Variants in SDCCAG8 observed in about 807,000 individuals in gnomAD.
SDCCAG8 encodes the protein SHH signaling and ciliogenesis regulator SDCCAG8.
A neutral mutation model predicts 101.8 loss-of-function variants in SDCCAG8; 74 were observed. The observed-to-expected ratio is 0.73, with a 90% CI of 0.60 to 0.88. SDCCAG8 has a LOEUF of 0.88. Ranked by LOEUF, SDCCAG8 falls within the 40% of genes least tolerant of loss-of-function variation. The pLI is 0.00. For synonymous variants in SDCCAG8, 281 were observed against 292.9 expected, an observed-to-expected ratio of 0.96 and a Z score of 0.41; for missense variants, 787 against 822.6, an observed-to-expected ratio of 0.96 and a Z score of 0.53.
intron 1 of SDCCAG8, among the ~76,000 whole-genome samples, chr1:243,263,188 C>T (rs573057947): frequency 5.9e-5 from 9 of 152,154 alleles, no homozygotes; most frequent in East Asian, 1.9e-4. Context: ...TTATTGATCT[C>T]GTTTTATTGA....
chr1:243,383,343 A>C (rs764907429), intron 13 of SDCCAG8, among the ~76,000 whole-genome samples: 3 of 152,210 alleles, frequency 2.0e-5, no homozygotes, highest in Non-Finnish European at 4.4e-5. Flanking sequence ...AACTTTTGAC[A>C]AATTACTTAA....
chr1:243,431,101 G>A (rs2081732557), intron 16 of SDCCAG8, among the ~76,000 whole-genome samples: 1 of 152,144 alleles, frequency 6.6e-6, no homozygotes, highest in African/African-American at 2.4e-5. Flanking sequence ...GGAGGGTGAG[G>A]CAGGAGAATC....
At chr1:243,387,541 C>G (rs2078386000) in intron 13 of SDCCAG8, among the ~76,000 whole-genome samples, 1 of 152,080 alleles carries the variant, frequency 6.6e-6, no homozygotes, top group African/African-American at 2.4e-5. Context: ...TGACCTGTGA[C>G]CTAGAGAGAC....
At chr1:243,331,733 C>T (rs1350736115) in intron 10 of SDCCAG8, among the ~76,000 whole-genome samples, 2 of 152,166 alleles carry the variant, frequency 1.3e-5, no homozygotes, top group African/African-American at 2.4e-5. Context: ...TCGGTGTCCA[C>T]GGTCCTTTCA....
At chr1:243,398,413 G>T (rs2079156634) in intron 13 of SDCCAG8, among the ~76,000 whole-genome samples, 1 of 151,864 alleles carries the variant, frequency 6.6e-6, no homozygotes. Context: ...ATATTTTGAA[G>T]GAAAAATGGT....
rs116060001 is a variant in SDCCAG8, at chr1:243,346,721, A to G, written c.1473+2390A>G. 7.3e-3 allele frequency among the ~76,000 whole-genome samples: 1,117 copies of G among 152,284 alleles called. 8 individuals are homozygous for G. Among genetic ancestry groups the G allele is most frequent in the African/African-American group, 0.023 (954 of 41,550 alleles). ...CGATGGGCGGATTATCCTTCCCATCAACTCCTTTGTATCTCTTCAGCTTAG... is the reference window on the plus strand; with the variant it reads ...CGATGGGCGGATTATCCTTCCCATCGACTCCTTTGTATCTCTTCAGCTTAG... On this transcript the variant is annotated intron_variant, in intron 12 of 17. Coordinates refer to ENST00000366541, the MANE Select transcript of SDCCAG8 (RefSeq NM_006642.5).
chr1:243,404,219 A>G (rs1406135085), intron 13 of SDCCAG8, among the ~76,000 whole-genome samples: 1 of 152,206 alleles, frequency 6.6e-6, no homozygotes, highest in Non-Finnish European at 1.5e-5. Context: ...CAGTTTGGAT[A>G]TAGTCAGGGC....
intron 12 of SDCCAG8, among the ~76,000 whole-genome samples, chr1:243,359,246 C>T (rs369391481): frequency 3.9e-5 from 6 of 152,162 alleles, no homozygotes; most frequent in Non-Finnish European, 7.4e-5. Flanking sequence ...AAATTGATTT[C>T]ATTGCTAATA....
At position 243,378,701 on chromosome 1, in the gene SDCCAG8, T is replaced by C. The variant is rs185598556; in HGVS notation, c.1474-20T>C. 58 of 1,613,368 alleles carry C rather than the reference T, an allele frequency of 3.6e-5. No individual in the cohort carries two copies. The African/African-American group carries it at 3.9e-4, about 11-fold the overall frequency. On this transcript the variant is annotated intron_variant, in intron 12 of 17. Coordinates refer to ENST00000366541, the MANE Select transcript of SDCCAG8 (RefSeq NM_006642.5). ...GCATGTATTTTATATGGATGCTTTT[T>C]CCCCTTCTCTCTACCTAAGGAAATA...
At chr1:243,439,492 G>A (rs1574052912) in intron 16 of SDCCAG8, among the ~76,000 whole-genome samples, 1 of 152,030 alleles carries the variant, frequency 6.6e-6, no homozygotes, top group African/African-American at 2.4e-5. Flanking sequence ...AGGTGGGATG[G>A]TGGGTGCCTG....
At chr1:243,426,289 C>A (rs866592646) in intron 15 of SDCCAG8, 138 bp from the exon 16 acceptor site, 66 of 753,134 alleles carry the variant, frequency 8.8e-5, no homozygotes, top group East Asian at 5.2e-4. Context: ...GAAATATTTT[C>A]TTTTGCAAAG....
intron 13 of SDCCAG8, among the ~76,000 whole-genome samples, chr1:243,392,845 T>C (rs1047377998): frequency 6.6e-6 from 1 of 152,226 alleles, no homozygotes; most frequent in African/African-American, 2.4e-5. Flanking sequence ...CTGTTTTTCA[T>C]GTACAAAGGC....
chr1:243,493,211 A>G (rs1667002150), intron 17 of SDCCAG8, among the ~76,000 whole-genome samples: 1 of 104,200 alleles, frequency 9.6e-6, no homozygotes, highest in South Asian at 3.7e-4. Flanking sequence ...GGGGAGGCTG[A>G]AACCTTGGTG....
intron 12 of SDCCAG8, among the ~76,000 whole-genome samples, chr1:243,361,909 G>A (rs1427484751): frequency 6.6e-6 from 1 of 152,254 alleles, no homozygotes; most frequent in Non-Finnish European, 1.5e-5. Flanking sequence ...TTTGAGGACA[G>A]AGACTTTTAC....
intron 2 of SDCCAG8, among the ~76,000 whole-genome samples, chr1:243,270,557 A>G (rs1045238179): frequency 6.6e-6 from 1 of 152,084 alleles, no homozygotes; most frequent in Non-Finnish European, 1.5e-5. Context: ...CTCATATTCT[A>G]GTTATAATAA....
chr1:243,448,121 C>CA (rs1277977612), intron 16 of SDCCAG8, among the ~76,000 whole-genome samples: 1 of 152,148 alleles, frequency 6.6e-6, no homozygotes, highest in Non-Finnish European at 1.5e-5. Context: ...CAGGCACCCG[C>CA]ATTGCTGAAC....
intron 15 of SDCCAG8, among the ~76,000 whole-genome samples, chr1:243,419,885 C>G (rs140124100): frequency 6.6e-6 from 1 of 152,184 alleles, no homozygotes. Context: ...TCTTTTTCCT[C>G]CTCTAGATCT....
At chr1:243,340,545 A>G (rs937787312) in intron 10 of SDCCAG8, among the ~76,000 whole-genome samples, 5 of 152,156 alleles carry the variant, frequency 3.3e-5, no homozygotes, top group Admixed American at 1.3e-4. Context: ...AACAAAGGGC[A>G]CTGCACAGAG....
At chr1:243,433,793 G>A (rs1006181698) in intron 16 of SDCCAG8, among the ~76,000 whole-genome samples, 6 of 152,206 alleles carry the variant, frequency 3.9e-5, no homozygotes, top group African/African-American at 9.6e-5. Flanking sequence ...GACTCACCCC[G>A]AGTATAGGTG....
Sources: gnomAD v4.1 joint callset for allele counts (sites outside exome capture counted in the v4.1 genomes callset) on GRCh38, gnomAD v4.1.1 for gene constraint, MANE v1.5 for transcripts, NCBI Gene and HGNC (gene_info 2026-07-23, HGNC 2026-07-21) for gene names.